GRM1: variants seen among roughly 807,000 people sequenced by gnomAD.
GRM1 encodes glutamate metabotropic receptor 1, also known as metabotropic glutamate receptor 1.
Under a neutral mutation model 90.9 loss-of-function variants are expected in GRM1, and 33 were observed. The observed-to-expected ratio is 0.36, with a 90% CI of 0.28 to 0.49. The LOEUF is 0.49. Ranked by LOEUF, GRM1 falls within the 20% of genes least tolerant of loss-of-function variation. GRM1 has a pLI of 0.99. For synonymous variants in GRM1, 700 were observed against 613.2 expected (o/e 1.14, Z -2.09); for missense variants, 1,190 against 1,534.3 (o/e 0.78, Z 3.75).
intron 4 of GRM1, 78 bp from the exon 5 acceptor site, chr6:146,357,448 A>C: frequency 8.7e-7 from 1 of 1,152,898 alleles, no homozygotes; most frequent in East Asian, 2.3e-5. Flanking sequence ...TGTTTCTATT[A>C]TTATCTACTT....
At chr6:146,180,407 T>A (rs1000450549) in intron 2 of GRM1, among the ~76,000 whole-genome samples, 1 of 152,174 alleles carries the variant, frequency 6.6e-6, no homozygotes, top group African/African-American at 2.4e-5. Context: ...AGAGGAAAAG[T>A]TATCTTAACT....
intron 3 of GRM1, among the ~76,000 whole-genome samples, chr6:146,308,532 C>G (rs1347894887): frequency 6.6e-6 from 1 of 152,148 alleles, no homozygotes; most frequent in Non-Finnish European, 1.5e-5. Flanking sequence ...GATGTGGAAA[C>G]TAGAAAAAAC....
chr6:146,144,639 C>T (rs1777020942), intron 1 of GRM1, among the ~76,000 whole-genome samples: 1 of 152,166 alleles, frequency 6.6e-6, no homozygotes, highest in Non-Finnish European at 1.5e-5. Flanking sequence ...AGAAAATTGG[C>T]ACCAGGAGTG....
intron 2 of GRM1, among the ~76,000 whole-genome samples, chr6:146,283,130 G>T (rs992799763): frequency 6.6e-6 from 1 of 152,158 alleles, no homozygotes; most frequent in Non-Finnish European, 1.5e-5. Context: ...GACCAGACTT[G>T]AGCCCAATGC....
intron 2 of GRM1, among the ~76,000 whole-genome samples, chr6:146,210,192 T>C (rs543813498): frequency 6.6e-6 from 1 of 152,236 alleles, no homozygotes; most frequent in East Asian, 1.9e-4. Flanking sequence ...AGCATGGCCT[T>C]GAGGGACAAA....
chr6:146,179,579 T>A (rs1403273500), intron 2 of GRM1, among the ~76,000 whole-genome samples: 1 of 152,204 alleles, frequency 6.6e-6, no homozygotes, highest in Non-Finnish European at 1.5e-5. Flanking sequence ...AGTGGTGCGA[T>A]CTTGGCTCAC....
At chr6:146,097,515 G>C (rs1562461201) in intron 1 of GRM1, among the ~76,000 whole-genome samples, 2 of 152,134 alleles carry the variant, frequency 1.3e-5, no homozygotes, top group Non-Finnish European at 1.5e-5. Context: ...ACTACATGCT[G>C]GGTCATATTT....
intron 1 of GRM1, among the ~76,000 whole-genome samples, chr6:146,144,404 G>C (rs916507939): frequency 6.6e-6 from 1 of 152,148 alleles, no homozygotes; most frequent in African/African-American, 2.4e-5. Context: ...TGGCTTTATA[G>C]AAAGAAGAGA....
intron 2 of GRM1, among the ~76,000 whole-genome samples, chr6:146,213,289 A>G (rs1779742615): frequency 6.6e-6 from 1 of 152,168 alleles, no homozygotes; most frequent in Admixed American, 6.5e-5. Flanking sequence ...TGGAGTGTCC[A>G]GAGATGAGAT....
chr6:146,104,636 C>T (rs1316717623), intron 1 of GRM1, among the ~76,000 whole-genome samples: 1 of 152,010 alleles, frequency 6.6e-6, no homozygotes, highest in Non-Finnish European at 1.5e-5. Context: ...AGAGAATTTC[C>T]GAAAGGCAAA....
chr6:146,142,479 A>G (rs1320246699), intron 1 of GRM1, among the ~76,000 whole-genome samples: 1 of 152,108 alleles, frequency 6.6e-6, no homozygotes, highest in East Asian at 1.9e-4. Flanking sequence ...CCTTCCCTTC[A>G]GGGTGATGAG....
At chr6:146,030,615 T>C (rs577312825) in intron 1 of GRM1, among the ~76,000 whole-genome samples, 3 of 152,322 alleles carry the variant, frequency 2.0e-5, no homozygotes, top group African/African-American at 7.2e-5. Context: ...GTGTGAGTGA[T>C]TGGCAAAAAG....
intron 1 of GRM1, among the ~76,000 whole-genome samples, chr6:146,030,594 G>A (rs1790670993): frequency 6.6e-6 from 1 of 152,176 alleles, no homozygotes; most frequent in African/African-American, 2.4e-5. Context: ...CAGGTGTAAT[G>A]AGTTAATTCA....
At chr6:146,271,036 A>C (rs1670030376) in intron 2 of GRM1, among the ~76,000 whole-genome samples, 2 of 129,022 alleles carry the variant, frequency 1.6e-5, no homozygotes, top group African/African-American at 6.1e-5. Flanking sequence ...ATGAAGTCTC[A>C]CTCTGTCACC....
chr6:146,052,036 A>G (rs1490761806), intron 1 of GRM1, among the ~76,000 whole-genome samples: 2 of 152,080 alleles, frequency 1.3e-5, no homozygotes. Flanking sequence ...CTTCTGATTT[A>G]TATAGCACTT....
rs776639922 is a variant in GRM1 at position 146,357,526 on chromosome 6, G to A, written c.1434G>A (p.Arg478=). 6 of 1,610,788 alleles carry A rather than the reference G, an allele frequency of 3.7e-6. No individual in the cohort carries two copies. In the South Asian group the frequency reaches 6.6e-5, roughly 18 times the overall value. ...GACATGCACATTGTGCTCTTTGTAG[G>A]TATGATATCATGAATCTGCAGTACA... ...WFDEKGDAPG[R]YDIMNLQYTE... Residue 478 remains arginine (R), a splice_region_variant and synonymous_variant, in exon 5 of 8, where the codon AGG becomes AGA. Transcript: ENST00000282753.
chr6:146,104,732 C>G (rs76445456), intron 1 of GRM1, among the ~76,000 whole-genome samples: 3,141 of 152,266 alleles, frequency 0.021, 57 homozygotes, highest in Middle Eastern at 0.037. Context: ...GAAATGAACA[C>G]ACAAGTGGGG....
intron 3 of GRM1, among the ~76,000 whole-genome samples, chr6:146,324,149 G>T (rs1470068881): frequency 6.6e-6 from 1 of 152,162 alleles, no homozygotes; most frequent in East Asian, 1.9e-4. Flanking sequence ...GAGCTGCGGT[G>T]GGCTCCACCC....
intron 1 of GRM1, among the ~76,000 whole-genome samples, chr6:146,136,996 G>A (rs1776649061): frequency 6.6e-6 from 1 of 151,716 alleles, no homozygotes; most frequent in African/African-American, 2.4e-5. Flanking sequence ...GGTATTACAG[G>A]CATGCACCAC....
Sources: allele counts gnomAD v4.1 joint callset (sites outside exome capture counted in the v4.1 genomes callset), GRCh38; gene constraint gnomAD v4.1.1; transcripts MANE v1.5; gene names NCBI Gene and HGNC (gene_info 2026-07-23, HGNC 2026-07-21).